The following GBF1 variants were observed in gnomAD, a reference collection of about 807,000 sequenced individuals.
GBF1 encodes Golgi-specific brefeldin A-resistance guanine nucleotide exchange factor 1.
In GBF1, 114 loss-of-function variants were observed where a neutral mutation model predicts 210.5. That is an observed-to-expected ratio of 0.54 (90% CI 0.47 to 0.63). The LOEUF (loss-of-function observed/expected upper bound fraction) is 0.63, where lower values mean the gene tolerates loss of function less well. Among genes scored for constraint, GBF1 ranks in the 30% least tolerant of loss-of-function variants. The pLI, the probability that GBF1 is intolerant of heterozygous loss-of-function variation, is 0.00. For missense variants in GBF1, 1,851 were observed against 2,357.7 expected, an observed-to-expected ratio of 0.79 and a Z score of 4.45; for synonymous variants, 850 against 889.2, an observed-to-expected ratio of 0.96 and a Z score of 0.78.
In GBF1 at chr10:102,379,502, A is replaced by AC; in HGVS notation, c.4646-16dup. 6.2e-7 allele frequency: 1 copy of AC among 1,613,978 alleles called. No homozygotes were observed. Among genetic ancestry groups the AC allele is most frequent in the Non-Finnish European group, 8.5e-7 (1 of 1,179,978 alleles). ...GGATCAAGATGCCTGAAGGATCCTG[A>AC]CCCTGCTCTTGCTCTCAGGTATTGC... On this transcript the variant is annotated intron_variant, in intron 34 of 39. Coordinates refer to ENST00000369983, the MANE Select transcript of GBF1 (RefSeq NM_001377137.1).
At chr10:102,350,335 G>A (rs920455911) in intron 4 of GBF1, among the ~76,000 whole-genome samples, 1 of 150,450 alleles carries the variant, frequency 6.6e-6, no homozygotes, top group African/African-American at 2.5e-5. Flanking sequence ...GCCAACAAGA[G>A]CGAAACTCCA....
chr10:102,339,590 C>T (rs1200901150), intron 3 of GBF1, among the ~76,000 whole-genome samples: 1 of 151,362 alleles, frequency 6.6e-6, no homozygotes, highest in Non-Finnish European at 1.5e-5. Flanking sequence ...TCGCTTGAAC[C>T]CAGGAGGCAA....
intron 4 of GBF1, among the ~76,000 whole-genome samples, chr10:102,347,622 A>G (rs1448827359): frequency 6.6e-6 from 1 of 152,220 alleles, no homozygotes; most frequent in Non-Finnish European, 1.5e-5. Context: ...AAGGAGCAGG[A>G]AGGAGTGTAT....
At chr10:102,262,575 A>G (rs2073373216) in intron 3 of GBF1, among the ~76,000 whole-genome samples, 1 of 152,216 alleles carries the variant, frequency 6.6e-6, no homozygotes, top group African/African-American at 2.4e-5. Context: ...GACTGAGATC[A>G]CCCTGGCCTT....
At chr10:102,330,454 C>T (rs1408757026) in intron 3 of GBF1, among the ~76,000 whole-genome samples, 2 of 152,090 alleles carry the variant, frequency 1.3e-5, no homozygotes, top group Non-Finnish European at 2.9e-5. Flanking sequence ...GAGGCTGAGG[C>T]AGGCAGATCA....
chr10:102,313,872 G>A (rs2078699401), intron 3 of GBF1, among the ~76,000 whole-genome samples: 1 of 152,098 alleles, frequency 6.6e-6, no homozygotes, highest in Non-Finnish European at 1.5e-5. Flanking sequence ...GGCTGGGCTA[G>A]GGAGAAACAA....
chr10:102,353,233 ATTC>A (rs2134846581), intron 7 of GBF1, among the ~76,000 whole-genome samples: 1 of 152,226 alleles, frequency 6.6e-6, no homozygotes, highest in East Asian at 1.9e-4. Flanking sequence ...CTGCCTGTTA[ATTC>A]TTCTCTTTTG....
chr10:102,243,901 G>A (rs926423597), upstream of GBF1, among the ~76,000 whole-genome samples: 5 of 152,072 alleles, frequency 3.3e-5, no homozygotes, highest in Non-Finnish European at 7.4e-5. Context: ...AGGCTGAGGC[G>A]GGTGGATCAC....
intron 3 of GBF1, among the ~76,000 whole-genome samples, chr10:102,309,441 T>C (rs990547031): frequency 3.2e-4 from 49 of 152,192 alleles, no homozygotes; most frequent in African/African-American, 1.2e-3. Context: ...AAGAAGGAGG[T>C]CTACTATTTC....
chr10:102,363,911 G>A lies in GBF1; in HGVS notation c.2106+113G>A, dbSNP rs959001670. 8.1e-5 allele frequency: 54 copies of A among 670,078 alleles called. No homozygotes were observed. Among genetic ancestry groups the A allele is most frequent in the South Asian group, 7.4e-4 (42 of 56,382 alleles). The allele number at this position is 670,078 out of a possible 1,614,324, so 41.5% of individuals were successfully genotyped here. On this transcript the variant is annotated intron_variant, in intron 17 of 39. Transcript: ENST00000369983. This position sits in a 1 kb window ranked among gnomAD's most constrained non-coding sequence, Gnocchi z 4.2. ...CTAGCACCTCATTGTACAGCTTCCT[G>A]AGGCCAGTCTTTGGGCTTGTTGGGA...
In GBF1 at chr10:102,376,388, C is replaced by A; in HGVS notation, c.4003C>A (p.Arg1335=). The A allele has an allele frequency of 6.2e-7, 1 of 1,614,136 alleles. No homozygotes were observed. The change falls in exon 31 of 40, where the codon CGA becomes AGA. Residue 1335 remains arginine, a synonymous_variant. Coordinates refer to ENST00000369983, the MANE Select transcript of GBF1 (RefSeq NM_001377137.1). ...TDHGRPGKIH[R]SATDADVVNS... is the part of the protein sequence containing the mutation. ...CCATGGCAGGCCGGGCAAGATACAC[C>A]GATCAGCCACAGATGCCGATGTGGT...
chr10:102,359,314 C>A lies in GBF1; in HGVS notation c.1059C>A (p.Ser353=). The change falls in exon 11 of 40, where the codon TCC becomes TCA. Residue 353 remains serine, a synonymous_variant. Transcript: ENST00000369983. ...VEKSQSASVE[S]IPEVLEECTS... ...AGTCCCAGTCAGCATCTGTGGAGTC[C>A]ATCCCTGAAGTGTTAGAGGAGTGCA... 1 of 1,611,594 alleles carries A rather than the reference C, an allele frequency of 6.2e-7. No individual in the cohort carries two copies.
intron 21 of GBF1, 94 bp downstream of exon 21, chr10:102,367,654 C>T (rs2059985594): frequency 2.5e-6 from 2 of 790,228 alleles, no homozygotes; most frequent in Admixed American, 1.9e-5. Context: ...ACTGCAGTGA[C>T]TCACATGCCC....
At chr10:102,269,594 T>TG (rs2074200214) in intron 3 of GBF1, among the ~76,000 whole-genome samples, 1 of 152,156 alleles carries the variant, frequency 6.6e-6, no homozygotes, top group African/African-American at 2.4e-5. Flanking sequence ...TCCCTGACAC[T>TG]GACAGGGACT....
chr10:102,281,797 T>A (rs1005990185), intron 3 of GBF1, among the ~76,000 whole-genome samples: 3 of 152,060 alleles, frequency 2.0e-5, no homozygotes, highest in African/African-American at 7.2e-5. Flanking sequence ...ATTAGGTTTT[T>A]ACTTAATGGC....
chr10:102,375,808 T>G (rs2060464108), intron 30 of GBF1, among the ~76,000 whole-genome samples: 1 of 151,966 alleles, frequency 6.6e-6, no homozygotes, highest in Admixed American at 6.5e-5. Flanking sequence ...CTTCCTACTG[T>G]CCTGAGGACT....
Position 102,379,962 on chromosome 10 carries a change from T to C in GBF1, c.4878+8T>C, listed in dbSNP as rs2060736249. On this transcript the variant is annotated splice_region_variant and intron_variant, in intron 36 of 39. Coordinates refer to ENST00000369983, the MANE Select transcript of GBF1 (RefSeq NM_001377137.1). ...TCCACATTGCTCTCTAAGGTACTGCTCACCACCCTATACCCACCCTCTCTC... is the reference window on the plus strand; with the variant it reads ...TCCACATTGCTCTCTAAGGTACTGCCCACCACCCTATACCCACCCTCTCTC... 2.6e-6 allele frequency: 4 copies of C among 1,558,360 alleles called. No individual in the cohort carries two copies. The highest frequency in any genetic ancestry group is 2.7e-6 in the Non-Finnish European group (3 of 1,131,440).
At chr10:102,333,736 A>G (rs2057511283) in intron 3 of GBF1, among the ~76,000 whole-genome samples, 1 of 151,874 alleles carries the variant, frequency 6.6e-6, no homozygotes, top group Non-Finnish European at 1.5e-5. Flanking sequence ...CTGGACCACT[A>G]CTCTTGATGT....
At chr10:102,264,983 A>G (rs1345213106) in intron 3 of GBF1, among the ~76,000 whole-genome samples, 1 of 152,214 alleles carries the variant, frequency 6.6e-6, no homozygotes, top group Admixed American at 6.5e-5. Context: ...GGGCTCTTGC[A>G]TATGGGAGTT....
Sources: gnomAD v4.1 joint callset for allele counts (sites outside exome capture counted in the v4.1 genomes callset) on GRCh38, gnomAD v4.1.1 for gene constraint, Gnocchi (gnomAD v3.1) non-coding constraint, MANE v1.5 for transcripts, NCBI Gene and HGNC (gene_info 2026-07-23, HGNC 2026-07-21) for gene names.